The following ATRN variants were observed in gnomAD, a reference collection of about 807,000 sequenced individuals.
ATRN encodes the protein attractin.
In ATRN, 54 loss-of-function variants were observed where a neutral mutation model predicts 178.7. The ratio of observed to expected loss-of-function variants is 0.30; its 90% CI spans 0.24 to 0.38. ATRN has a LOEUF of 0.38. ATRN is among the 10% of genes least tolerant of loss of function. The pLI, the probability that ATRN is intolerant of heterozygous loss-of-function variation, is 1.00. For missense variants in ATRN, 1,443 were observed against 1,815.1 expected, an observed-to-expected ratio of 0.79 and a Z score of 3.73; for synonymous variants, 636 against 663.0, an observed-to-expected ratio of 0.96 and a Z score of 0.63.
intron 22 of ATRN, among the ~76,000 whole-genome samples, chr20:3,598,747 C>G (rs1469040975): frequency 6.6e-6 from 1 of 152,070 alleles, no homozygotes; most frequent in African/African-American, 2.4e-5. Context: ...CATGCAGTAC[C>G]CACTTCAGTA....
chr20:3,573,774 ATTTATTTATTTT>A (rs1202415149), intron 12 of ATRN, among the ~76,000 whole-genome samples: 1 of 151,644 alleles, frequency 6.6e-6, no homozygotes, highest in Non-Finnish European at 1.5e-5. Context: ...TTATTTATTT[ATTTATTTATTTT>A]GAGACAGAGT....
intron 6 of ATRN, among the ~76,000 whole-genome samples, chr20:3,554,474 T>C (rs2085837745): frequency 1.3e-5 from 2 of 152,122 alleles, no homozygotes; most frequent in East Asian, 3.9e-4. Context: ...TAGCTGGGAC[T>C]ACAGGGGCCT....
At chr20:3,607,474 T>G (rs192724737) in intron 24 of ATRN, among the ~76,000 whole-genome samples, 2 of 152,212 alleles carry the variant, frequency 1.3e-5, no homozygotes, top group East Asian at 3.8e-4. Flanking sequence ...AGAAAACATA[T>G]CTATCTTTCT....
Position 3,594,450 on chromosome 20 carries a change from T to G in ATRN, c.3323-29T>G, listed in dbSNP as rs766842847. 1.9e-6 allele frequency: 3 copies of G among 1,564,388 alleles called. No homozygotes were observed. The Admixed American group carries it at 5.4e-5, about 28-fold the overall frequency. On this transcript the variant is annotated intron_variant, in intron 19 of 28. Transcript: ENST00000262919. The stretch of plus-strand genomic sequence containing the variant: ...TAGTCAGAATTTTTTAAGCCAGTTG[T>G]GACCTCTGTTCCTTTTTCTTCTCTG...
At chr20:3,533,339 C>CT (rs2085480539) in intron 1 of ATRN, among the ~76,000 whole-genome samples, 1 of 152,354 alleles carries the variant, frequency 6.6e-6, no homozygotes, top group Non-Finnish European at 1.5e-5. Flanking sequence ...ACATCATAGC[C>CT]TTTTTCTACT....
rs529573872 is a variant in ATRN, at chr20:3,519,427, C to A, written c.411-15826C>A. Among the ~76,000 whole-genome samples the A allele has an allele frequency of 2.0e-5, 3 of 152,236 alleles. No individual in the cohort carries two copies. In the South Asian group the frequency reaches 6.2e-4, roughly 32 times the overall value. ...ACAAATAACTTTCTGGAGCTGAAATCTATGATTTCCTCATTAAACAATTCA... is the reference window on the plus strand; with the variant it reads ...ACAAATAACTTTCTGGAGCTGAAATATATGATTTCCTCATTAAACAATTCA... On this transcript the variant is annotated intron_variant, in intron 1 of 28. Transcript: ENST00000262919.
At chr20:3,593,830 A>G (rs1020966025) in intron 19 of ATRN, among the ~76,000 whole-genome samples, 1 of 152,240 alleles carries the variant, frequency 6.6e-6, no homozygotes, top group Non-Finnish European at 1.5e-5. Flanking sequence ...CTGGAGTATA[A>G]TATTTATCAC....
rs147031175 is a variant in ATRN, at chr20:3,605,744, A to G, written c.3801+1482A>G. ...TGGGGAACAACACACACTGGGGCCT[A>G]TTGGAGAGTGATGGGGAGGAAGGAG... On this transcript the variant is annotated intron_variant, in intron 24 of 28. Transcript: ENST00000262919. 4.6e-3 allele frequency among the ~76,000 whole-genome samples: 694 copies of G among 152,228 alleles called. 4 individuals carry two copies. Among genetic ancestry groups the G allele is most frequent in the Middle Eastern group, 0.01 (3 of 294 alleles).
intron 1 of ATRN, among the ~76,000 whole-genome samples, chr20:3,493,520 C>G (rs537022935): frequency 6.6e-6 from 1 of 151,888 alleles, no homozygotes; most frequent in African/African-American, 2.4e-5. Flanking sequence ...GTCTCAAGCT[C>G]CTGGCCTCAA....
chr20:3,496,447 T>C (rs1215613155), intron 1 of ATRN, among the ~76,000 whole-genome samples: 1 of 152,102 alleles, frequency 6.6e-6, no homozygotes, highest in Non-Finnish European at 1.5e-5. Flanking sequence ...TCAGTTTCCA[T>C]GTAGTTGAGC....
In ATRN at chr20:3,647,504, A is replaced by T. The variant is rs986373357; in HGVS notation, c.*657A>T. 1.3e-5 allele frequency: 2 copies of T among 152,452 alleles called. No individual in the cohort carries two copies. Among genetic ancestry groups the T allele is most frequent in the Admixed American group, 1.3e-4 (2 of 15,276 alleles). 9.4% of individuals were successfully genotyped at this position (152,452 alleles called of 1,614,324 possible). Reference sequence around the variant, plus strand: ...AAACTGGTATAATAGGTAGTTTTCTATAGTAACTTGATTAATTTAGTCTTA... The same window carrying T: ...AAACTGGTATAATAGGTAGTTTTCTTTAGTAACTTGATTAATTTAGTCTTA... On this transcript the variant is annotated 3_prime_UTR_variant, in exon 29 of 29. Coordinates refer to ENST00000262919, the MANE Select transcript of ATRN (RefSeq NM_139321.3).
chr20:3,615,829 T>G (rs955892163), intron 24 of ATRN: 3 of 454,410 alleles, frequency 6.6e-6, no homozygotes, highest in African/African-American at 4.0e-5. Flanking sequence ...CATTCATAGG[T>G]GCAAACTGAA....
chr20:3,475,107 A>G (rs1391430089), intron 1 of ATRN, among the ~76,000 whole-genome samples: 1 of 151,960 alleles, frequency 6.6e-6, no homozygotes, highest in Admixed American at 6.6e-5. Context: ...TTTTGATTGC[A>G]GTGGCTTGTA....
At chr20:3,626,504 A>C (rs945437611) in intron 25 of ATRN, among the ~76,000 whole-genome samples, 6 of 152,148 alleles carry the variant, frequency 3.9e-5, no homozygotes, top group Non-Finnish European at 8.8e-5. Context: ...TAGAGTATTG[A>C]TAATATTATC....
At chr20:3,478,728 C>G (rs1308218379) in intron 1 of ATRN, among the ~76,000 whole-genome samples, 1 of 151,950 alleles carries the variant, frequency 6.6e-6, no homozygotes. Flanking sequence ...CTTTTATTAC[C>G]TCTAAAATGA....
intron 23 of ATRN, among the ~76,000 whole-genome samples, chr20:3,601,252 T>G (rs1311960720): frequency 1.3e-5 from 2 of 152,166 alleles, no homozygotes; most frequent in Non-Finnish European, 2.9e-5. Flanking sequence ...AGAATTGTTG[T>G]ATAGATTAAA....
At chr20:3,625,429 A>C (rs1466410643) in intron 25 of ATRN, among the ~76,000 whole-genome samples, 1 of 152,152 alleles carries the variant, frequency 6.6e-6, no homozygotes, top group African/African-American at 2.4e-5. Context: ...TTACACTACC[A>C]CATTTTTTGG....
chr20:3,614,094 AAAAC>A (rs1343737272), intron 24 of ATRN, among the ~76,000 whole-genome samples: 6 of 152,218 alleles, frequency 3.9e-5, no homozygotes, highest in Non-Finnish European at 5.9e-5. Flanking sequence ...ATGCAGCTAA[AAAAC>A]AAACAAAACC....
At chr20:3,585,351 C>T (rs921934770) in intron 18 of ATRN, among the ~76,000 whole-genome samples, 1 of 152,120 alleles carries the variant, frequency 6.6e-6, no homozygotes, top group African/African-American at 2.4e-5. Context: ...GATGATCATC[C>T]AGAATATGTA....
Sources: gnomAD v4.1 joint callset for allele counts (sites outside exome capture counted in the v4.1 genomes callset) on GRCh38, gnomAD v4.1.1 for gene constraint, MANE v1.5 for transcripts, NCBI Gene and HGNC (gene_info 2026-07-23, HGNC 2026-07-21) for gene names.